The following SEL1L2 variants were observed in gnomAD, a reference collection of about 807,000 sequenced individuals.
SEL1L2 encodes protein sel-1 homolog 2.
Under a neutral mutation model 98.8 loss-of-function variants are expected in SEL1L2, and 89 were observed. That is an observed-to-expected ratio of 0.90 (90% CI 0.76 to 1.07). SEL1L2 has a LOEUF of 1.07. Among genes scored for constraint, SEL1L2 ranks in the 50% least tolerant of loss-of-function variants. SEL1L2 has a pLI of 0.00. For synonymous variants in SEL1L2, 262 were observed against 278.5 expected, an observed-to-expected ratio of 0.94 and a Z score of 0.59; for missense variants, 788 against 812.0, an observed-to-expected ratio of 0.97 and a Z score of 0.36.
chr20:13,916,572 G>A (rs1465716858), intron 4 of SEL1L2, among the ~76,000 whole-genome samples: 1 of 152,198 alleles, frequency 6.6e-6, no homozygotes, highest in Non-Finnish European at 1.5e-5. Flanking sequence ...TTGAGAGGCT[G>A]AGGCGGGCAG....
intron 2 of SEL1L2, among the ~76,000 whole-genome samples, chr20:13,940,457 T>C (rs576268945): frequency 7.2e-5 from 11 of 152,084 alleles, no homozygotes; most frequent in Non-Finnish European, 1.6e-4. Flanking sequence ...GAAAAAATTA[T>C]CAAAGAGAAA....
At chr20:13,904,257 A>G (rs1234851942) in intron 5 of SEL1L2, among the ~76,000 whole-genome samples, 1 of 152,182 alleles carries the variant, frequency 6.6e-6, no homozygotes, top group Non-Finnish European at 1.5e-5. Context: ...GGCCGGGCAC[A>G]CTGGCTCACG....
intron 5 of SEL1L2, among the ~76,000 whole-genome samples, chr20:13,912,120 A>G (rs1411394693): frequency 1.3e-5 from 2 of 152,146 alleles, no homozygotes; most frequent in Non-Finnish European, 2.9e-5. Flanking sequence ...ATGTTTCATC[A>G]TTATCCTAAC....
At chr20:13,919,571 A>T (rs1600747362) in intron 3 of SEL1L2, among the ~76,000 whole-genome samples, 1 of 152,256 alleles carries the variant, frequency 6.6e-6, no homozygotes, top group Admixed American at 6.5e-5. Flanking sequence ...CATGGGCAAC[A>T]GGCATCTCCA....
At chr20:13,873,951 A>C (rs1701291196) in intron 12 of SEL1L2, among the ~76,000 whole-genome samples, 4 of 152,166 alleles carry the variant, frequency 2.6e-5, no homozygotes. Flanking sequence ...CAGCAGCAGG[A>C]GTGAACGCAG....
chr20:13,859,317 G>A lies in SEL1L2; in HGVS notation c.1763C>T (p.Ala588Val), dbSNP rs140768797. 2.2e-4 allele frequency: 359 copies of A among 1,614,146 alleles called. 4 individuals are homozygous for A. The African/African-American group carries it at 2.4e-3, about 11-fold the overall frequency. Reference sequence around the variant, plus strand: ...ATAAGCCAGATTGAACATGGCTTGCGCGTTGTGGTATTTGTTGGCTGCAAT... The same window carrying A: ...ATAAGCCAGATTGAACATGGCTTGCACGTTGTGGTATTTGTTGGCTGCAAT... ...YSIAANKYHN[A>V]QAMFNLAYMY... Residue 588 changes from alanine (A) to valine (V), a missense_variant, in exon 18 of 20, where the codon GCG (alanine) becomes GTG (valine). Transcript: ENST00000284951.
chr20:13,894,814 C>T (rs924016598), intron 5 of SEL1L2, among the ~76,000 whole-genome samples: 2 of 152,218 alleles, frequency 1.3e-5, no homozygotes, highest in African/African-American at 2.4e-5. Flanking sequence ...CAGATCTGAA[C>T]GATTTGTAAC....
chr20:13,983,602 C>T (rs932086302), intron 1 of SEL1L2, among the ~76,000 whole-genome samples: 25 of 151,858 alleles, frequency 1.6e-4, no homozygotes, highest in African/African-American at 6.0e-4. Flanking sequence ...CTCACTGCAA[C>T]CCTCTGCCTC....
intron 4 of SEL1L2, among the ~76,000 whole-genome samples, chr20:13,917,123 T>TATAGTTAGG (rs1333142128): frequency 6.6e-6 from 1 of 152,166 alleles, no homozygotes; most frequent in African/African-American, 2.4e-5. Context: ...GCTCCCATGC[T>TATAGTTAGG]ATAGTTAGGG....
intron 5 of SEL1L2, among the ~76,000 whole-genome samples, chr20:13,910,159 A>G (rs934688301): frequency 7.9e-5 from 12 of 152,186 alleles, no homozygotes; most frequent in Non-Finnish European, 1.6e-4. Flanking sequence ...ACAGAAGAGG[A>G]AATTGAGACC....
At chr20:13,924,587 G>C (rs2048800814) in intron 3 of SEL1L2, among the ~76,000 whole-genome samples, 2 of 151,760 alleles carry the variant, frequency 1.3e-5, no homozygotes, top group South Asian at 4.2e-4. Context: ...CACCATGCCT[G>C]GCTAATTTCT....
chr20:13,896,590 G>A lies in SEL1L2; in HGVS notation c.550-8078C>T, dbSNP rs1220163426. On this transcript the variant is annotated intron_variant, in intron 5 of 19. Transcript: ENST00000284951. ...AAAACAACATGCAAAAATCAGTTGT[G>A]TACCTATATACTAGCAACGAATAAT... Among the ~76,000 whole-genome samples, 195 of 148,832 alleles carry A rather than the reference G, an allele frequency of 1.3e-3. 7 individuals are homozygous for A. Among genetic ancestry groups the A allele is most frequent in the Non-Finnish European group, 1.3e-4 (9 of 67,652 alleles).
Position 13,876,265 on chromosome 20 carries a change from A to G in SEL1L2, c.1027-150T>C, listed in dbSNP as rs1326287391. The stretch of plus-strand genomic sequence containing the variant: ...GCCACTGAATTGTATAAAGTGGTCA[A>G]TTTTGTGTTATTTACATATTTACAT... On this transcript the variant is annotated intron_variant, in intron 11 of 19. Transcript: ENST00000284951. 6 of 610,954 alleles carry G rather than the reference A, an allele frequency of 9.8e-6. No homozygotes were observed. In the African/African-American group the frequency reaches 1.1e-4, roughly 11 times the overall value. 37.8% of individuals were successfully genotyped at this position (610,954 alleles called of 1,614,324 possible). A position where few individuals can be genotyped will look rare whatever the true frequency, so the allele number is the denominator to read the frequency against.
intron 3 of SEL1L2, among the ~76,000 whole-genome samples, chr20:13,919,577 C>T (rs1430305880): frequency 2.0e-5 from 3 of 152,190 alleles, no homozygotes; most frequent in Non-Finnish European, 4.4e-5. Flanking sequence ...CAACAGGCAT[C>T]TCCAAGATGA....
intron 6 of SEL1L2, 85 bp downstream of exon 6, chr20:13,888,374 C>T: frequency 4.7e-6 from 4 of 853,222 alleles, no homozygotes. Flanking sequence ...CTAGAGTGAG[C>T]CCCTTTACTT....
chr20:13,869,607 CT>C lies in SEL1L2; in HGVS notation c.1168-18del, dbSNP rs1348672869. Reference sequence around the variant, plus strand: ...GGCATAATTCTGCAAGATAATTACACTCTATTACTCAAAGGCACAAGTAAAA... The same window carrying C: ...GGCATAATTCTGCAAGATAATTACACCTATTACTCAAAGGCACAAGTAAAA... On this transcript the variant is annotated intron_variant, in intron 13 of 19. Transcript: ENST00000284951. 1.9e-6 allele frequency: 3 copies of C among 1,599,838 alleles called. No individual in the cohort carries two copies.
chr20:13,896,194 G>A lies in SEL1L2; in HGVS notation c.550-7682C>T, dbSNP rs573466536. ...CATCTCAAAAACAAACAAACAGGCC[G>A]AGCACGGTGGCTCACGCCTGTAATC... On this transcript the variant is annotated intron_variant, in intron 5 of 19. Transcript: ENST00000284951. Among the ~76,000 whole-genome samples the A allele has an allele frequency of 2.7e-5, 4 of 149,372 alleles. No homozygotes were observed. In the East Asian group the frequency reaches 8.1e-4, roughly 30 times the overall value.
At chr20:13,896,966 G>T (rs1948801035) in intron 5 of SEL1L2, among the ~76,000 whole-genome samples, 1 of 152,082 alleles carries the variant, frequency 6.6e-6, no homozygotes, top group South Asian at 2.1e-4. Context: ...TCTTGAGAAA[G>T]AAAAACAAAA....
intron 2 of SEL1L2, among the ~76,000 whole-genome samples, chr20:13,932,495 G>C (rs964479596): frequency 3.3e-5 from 5 of 151,542 alleles, no homozygotes; most frequent in Non-Finnish European, 7.4e-5. Flanking sequence ...GCAGTGACAC[G>C]ATCTTGGCTC....
Sources: allele counts gnomAD v4.1 joint callset (sites outside exome capture counted in the v4.1 genomes callset), GRCh38; gene constraint gnomAD v4.1.1; transcripts MANE v1.5; gene names NCBI Gene and HGNC (gene_info 2026-07-23, HGNC 2026-07-21).